The following PAX7 variants were observed in gnomAD, a reference collection of about 807,000 sequenced individuals.
PAX7 encodes paired box protein Pax-7.
A neutral mutation model predicts 50.7 loss-of-function variants in PAX7; 18 were observed. The ratio of observed to expected loss-of-function variants is 0.36; its 90% CI spans 0.25 to 0.53. The LOEUF is 0.53. Ranked by LOEUF, PAX7 falls within the 20% of genes least tolerant of loss-of-function variation. The probability of loss-of-function intolerance (pLI) is 0.93; values close to 1 mark genes in which losing one functional copy is unlikely to be tolerated. For missense variants in PAX7, 644 were observed against 702.9 expected (o/e 0.92, Z 0.95); for synonymous variants, 310 against 290.4 (o/e 1.07, Z -0.69).
At chr1:18,677,019 G>A (rs1286498357) in intron 4 of PAX7, among the ~76,000 whole-genome samples, 1 of 152,208 alleles carries the variant, frequency 6.6e-6, no homozygotes, top group Non-Finnish European at 1.5e-5. Flanking sequence ...GCCAGCCCAC[G>A]GGCTCCTGGG....
At chr1:18,706,736 G>GC (rs1388768429) in intron 7 of PAX7, among the ~76,000 whole-genome samples, 2 of 152,108 alleles carry the variant, frequency 1.3e-5, no homozygotes, top group African/African-American at 4.8e-5. Flanking sequence ...ACCCACCTTG[G>GC]CCTCCCAAAG....
chr1:18,634,346 G>T lies in PAX7; in HGVS notation c.129G>T (p.Gly43=). The change falls in exon 2 of 9, where the codon GGG becomes GGT. Residue 43 remains glycine (G), a synonymous_variant. Coordinates refer to ENST00000420770, the MANE Select transcript of PAX7 (RefSeq NM_001135254.2). The surrounding 1 kb of genome is among the most constrained non-coding windows in gnomAD (Gnocchi z 4.0). The part of the protein sequence containing the change: ...LGQGRVNQLG[G]VFINGRPLPN... Reference sequence around the variant, plus strand: ...AAGGCCGGGTCAATCAGCTGGGAGGGGTCTTCATCAATGGGCGACCCCTGC... The same window carrying T: ...AAGGCCGGGTCAATCAGCTGGGAGGTGTCTTCATCAATGGGCGACCCCTGC... 3 of 1,613,988 alleles carry T rather than the reference G, an allele frequency of 1.9e-6. No homozygotes were observed. Among genetic ancestry groups the T allele is most frequent in the Non-Finnish European group, 2.5e-6 (3 of 1,180,004 alleles).
chr1:18,716,848 C>A (rs1011596949), intron 7 of PAX7, among the ~76,000 whole-genome samples: 3 of 100,396 alleles, frequency 3.0e-5, no homozygotes, highest in Admixed American at 9.9e-5. Context: ...GCGCGCCCCC[C>A]TTGCCCTTGC....
chr1:18,663,922 C>A lies in PAX7; in HGVS notation c.586+27551C>A, dbSNP rs567110761. ...GCCCATGCCAGATGGCTTCTTAGTG[C>A]CACAGTCTTCCCTTTTCCCTCCCAG... On this transcript the variant is annotated intron_variant, in intron 4 of 8. Transcript: ENST00000420770. Among the ~76,000 whole-genome samples, 9 of 152,338 alleles carry A rather than the reference C, an allele frequency of 5.9e-5. No individual in the cohort carries two copies. In the South Asian group the frequency reaches 1.9e-3, roughly 32 times the overall value.
rs780744300 is a variant in PAX7, at chr1:18,735,820, C to A, written c.1344C>A (p.Ser448Arg). ...TSQAYCPPTY[S>R]TTGYSVDPVA... ...AGGCCTACTGCCCACCCACCTACAG[C>A]ACCACCGGCTACAGCGTGGACCCCG... The change falls in exon 8 of 9, where the codon AGC becomes AGA. Residue 448 changes from serine to arginine, a missense_variant. Ser to Arg is a moderately radical substitution (Grantham distance 110, BLOSUM62 -1). Coordinates refer to ENST00000420770, the MANE Select transcript of PAX7 (RefSeq NM_001135254.2). The surrounding 1 kb of genome is among the most constrained non-coding windows in gnomAD (Gnocchi z 4.0). 4 of 1,614,138 alleles carry A rather than the reference C, an allele frequency of 2.5e-6. No homozygotes were observed. Among genetic ancestry groups the A allele is most frequent in the African/African-American group, 1.3e-5 (1 of 75,064 alleles).
intron 8 of PAX7, among the ~76,000 whole-genome samples, chr1:18,738,840 G>A (rs1930955621): frequency 6.6e-6 from 1 of 152,194 alleles, no homozygotes; most frequent in South Asian, 2.1e-4. Flanking sequence ...CTTCCCATCT[G>A]TGAAATGGAG....
At chr1:18,685,567 G>A (rs976310496) in intron 4 of PAX7, among the ~76,000 whole-genome samples, 4 of 152,204 alleles carry the variant, frequency 2.6e-5, no homozygotes, top group African/African-American at 9.6e-5. Context: ...CCAAGAGCTG[G>A]ATGGTGCTGG....
At chr1:18,646,686 C>T (rs750137446) in intron 4 of PAX7, among the ~76,000 whole-genome samples, 4 of 151,974 alleles carry the variant, frequency 2.6e-5, no homozygotes, top group Non-Finnish European at 5.9e-5. Context: ...GTAACCAAAC[C>T]CCCGAAAGCG....
At chr1:18,696,860 T>A (rs2089156507) in intron 5 of PAX7, among the ~76,000 whole-genome samples, 1 of 152,130 alleles carries the variant, frequency 6.6e-6, no homozygotes, top group Admixed American at 6.6e-5. Flanking sequence ...GTGACTATAG[T>A]CAATAATAAG....
intron 7 of PAX7, among the ~76,000 whole-genome samples, chr1:18,727,083 C>T (rs72650352): frequency 0.035 from 5,389 of 152,190 alleles, 134 homozygotes; most frequent in East Asian, 0.097. Context: ...TATGCACACA[C>T]AATACTCACA....
chr1:18,654,563 G>A (rs2088484161), intron 4 of PAX7, among the ~76,000 whole-genome samples: 1 of 152,128 alleles, frequency 6.6e-6, no homozygotes, highest in South Asian at 2.1e-4. Flanking sequence ...AAGGTGGCAG[G>A]TGCCATCTGA....
chr1:18,738,033 T>C (rs1179376657), intron 8 of PAX7, among the ~76,000 whole-genome samples: 1 of 152,142 alleles, frequency 6.6e-6, no homozygotes, highest in Non-Finnish European at 1.5e-5. Flanking sequence ...AGTGTGTAAA[T>C]AGGGGTGAGT....
intron 4 of PAX7, among the ~76,000 whole-genome samples, chr1:18,683,744 G>T (rs2088932647): frequency 1.3e-5 from 2 of 152,196 alleles, no homozygotes; most frequent in South Asian, 4.1e-4. Context: ...GGAGGCTAAG[G>T]CATGAGAATC....
intron 4 of PAX7, among the ~76,000 whole-genome samples, chr1:18,646,872 GGCGGC>G (rs1400338141): frequency 6.7e-6 from 1 of 150,160 alleles, no homozygotes. Flanking sequence ...AAAACCGGGG[GGCGGC>G]GCGGGGCGGC....
At chr1:18,711,756 C>T (rs939688166) in intron 7 of PAX7, among the ~76,000 whole-genome samples, 1 of 152,050 alleles carries the variant, frequency 6.6e-6, no homozygotes, top group Non-Finnish European at 1.5e-5. Flanking sequence ...CATCCCCACA[C>T]CCCTGTTTCT....
At chr1:18,720,903 G>T (rs1203542651) in intron 7 of PAX7, among the ~76,000 whole-genome samples, 1 of 152,024 alleles carries the variant, frequency 6.6e-6, no homozygotes, top group Non-Finnish European at 1.5e-5. Context: ...CCCAGAGCTG[G>T]AGGGACGAAG....
At chr1:18,686,265 G>A (rs2088974218) in intron 4 of PAX7, among the ~76,000 whole-genome samples, 1 of 152,208 alleles carries the variant, frequency 6.6e-6, no homozygotes, top group South Asian at 2.1e-4. Context: ...CCTTTGCTCA[G>A]TATGGACTGC....
chr1:18,712,288 C>T (rs2089362349), intron 7 of PAX7, among the ~76,000 whole-genome samples: 1 of 152,106 alleles, frequency 6.6e-6, no homozygotes. Context: ...GTTAACCCAC[C>T]TCAGTGGGAA....
intron 4 of PAX7, among the ~76,000 whole-genome samples, chr1:18,642,857 G>C (rs543117105): frequency 2.4e-4 from 36 of 152,172 alleles, no homozygotes; most frequent in African/African-American, 8.4e-4. Context: ...AGTGGGGTGG[G>C]GGAGAGGTGA....
Sources: allele counts gnomAD v4.1 joint callset (sites outside exome capture counted in the v4.1 genomes callset), GRCh38; gene constraint gnomAD v4.1.1; non-coding constraint Gnocchi (gnomAD v3.1); transcripts MANE v1.5; gene names NCBI Gene and HGNC (gene_info 2026-07-23, HGNC 2026-07-21).